RBFOX1: variants seen among roughly 807,000 people sequenced by gnomAD.
RBFOX1 encodes the protein RNA binding protein fox-1 homolog 1.
Under a neutral mutation model 57.7 loss-of-function variants are expected in RBFOX1, and 8 were observed. The ratio of observed to expected loss-of-function variants is 0.14; its 90% CI spans 0.08 to 0.25. The LOEUF is 0.25. RBFOX1 is among the 10% of genes least tolerant of loss of function. The pLI is 1.00. For missense variants in RBFOX1, 611 were observed against 548.5 expected, an observed-to-expected ratio of 1.11 and a Z score of -1.14; for synonymous variants, 326 against 222.4, an observed-to-expected ratio of 1.47 and a Z score of -4.15.
At chr16:5,454,285 C>G (rs1195299469) in intron 1 of RBFOX1, among the ~76,000 whole-genome samples, 3 of 152,190 alleles carry the variant, frequency 2.0e-5, no homozygotes, top group Non-Finnish European at 4.4e-5. Context: ...TGTTGCATTG[C>G]TGTGTAGCAA....
At chr16:6,293,809 G>T (rs1019562340) in intron 1 of RBFOX1, among the ~76,000 whole-genome samples, 40 of 108,288 alleles carry the variant, frequency 3.7e-4, no homozygotes, top group African/African-American at 1.2e-3. Flanking sequence ...GTCCAAGGAA[G>T]TGGGATGAAT....
intron 3 of RBFOX1, among the ~76,000 whole-genome samples, chr16:5,644,153 C>T (rs1362165177): frequency 2.0e-5 from 3 of 152,258 alleles, no homozygotes; most frequent in East Asian, 1.9e-4. Flanking sequence ...GAAATAATCG[C>T]GTCTTTCCAT....
intron 3 of RBFOX1, among the ~76,000 whole-genome samples, chr16:6,910,834 T>G (rs1396179278): frequency 6.6e-6 from 1 of 152,178 alleles, no homozygotes; most frequent in Non-Finnish European, 1.5e-5. Context: ...ATATCTAAGC[T>G]TATATCCAGA....
At chr16:6,780,387 A>ATAT (rs1313778400) in intron 3 of RBFOX1, among the ~76,000 whole-genome samples, 2 of 67,158 alleles carry the variant, frequency 3.0e-5, no homozygotes, top group Non-Finnish European at 2.4e-5. Context: ...ATTTATACAT[A>ATAT]TTATATATAT....
At chr16:5,896,020 C>T (rs914688371) in intron 4 of RBFOX1, among the ~76,000 whole-genome samples, 2 of 152,100 alleles carry the variant, frequency 1.3e-5, no homozygotes, top group African/African-American at 2.4e-5. Flanking sequence ...TTCTGTCTTA[C>T]GTTGGGTACT....
chr16:5,475,383 C>G (rs1156234445), intron 2 of RBFOX1, among the ~76,000 whole-genome samples: 6 of 152,146 alleles, frequency 3.9e-5, no homozygotes, highest in Non-Finnish European at 2.9e-5. Context: ...ACCCTTGTTT[C>G]TCTAAGATTC....
At chr16:7,082,203 T>A (rs1157915425) in intron 4 of RBFOX1, among the ~76,000 whole-genome samples, 1 of 152,146 alleles carries the variant, frequency 6.6e-6, no homozygotes, top group Non-Finnish European at 1.5e-5. Flanking sequence ...ATTGAAGACC[T>A]ATGGTTCAGG....
chr16:6,366,235 T>C (rs1410293161), intron 2 of RBFOX1, among the ~76,000 whole-genome samples: 1 of 152,146 alleles, frequency 6.6e-6, no homozygotes, highest in Non-Finnish European at 1.5e-5. Context: ...ATATATGTCT[T>C]GATATGTATA....
intron 2 of RBFOX1, among the ~76,000 whole-genome samples, chr16:6,501,679 G>A (rs1013777718): frequency 1.3e-5 from 2 of 152,192 alleles, no homozygotes; most frequent in Non-Finnish European, 2.9e-5. Flanking sequence ...TTCTCCTGAC[G>A]TTTCTGATCT....
intron 3 of RBFOX1, among the ~76,000 whole-genome samples, chr16:6,883,746 C>T (rs1186819557): frequency 3.3e-5 from 5 of 151,770 alleles, no homozygotes; most frequent in East Asian, 3.9e-4. Flanking sequence ...AAGTTTTCTA[C>T]AGTTCTTATA....
At chr16:5,857,909 C>T (rs554099142) in intron 3 of RBFOX1, among the ~76,000 whole-genome samples, 4 of 151,770 alleles carry the variant, frequency 2.6e-5, no homozygotes, top group Middle Eastern at 3.2e-3. Context: ...TTTGCACTGC[C>T]GTACTCCAGC....
intron 1 of RBFOX1, among the ~76,000 whole-genome samples, chr16:6,246,136 C>G (rs1414112640): frequency 6.6e-6 from 1 of 152,132 alleles, no homozygotes; most frequent in African/African-American, 2.4e-5. Context: ...TGTATTGAAT[C>G]ATGGAGCTGA....
rs578197054 is a variant in RBFOX1, at chr16:7,329,812, A to G, written c.28-188335A>G. Among the ~76,000 whole-genome samples the G allele has an allele frequency of 2.0e-4, 30 of 152,338 alleles. 1 individual carries two copies. The highest frequency in any genetic ancestry group is 1.8e-3 in the Admixed American group (27 of 15,300). Reference sequence around the variant, plus strand: ...ATTGTATCATGGCGTTCTTAAGAAGAAAACAGAAAATATCCCCGGCACAAG... The same window carrying G: ...ATTGTATCATGGCGTTCTTAAGAAGGAAACAGAAAATATCCCCGGCACAAG... On this transcript the variant is annotated intron_variant, in intron 4 of 15. Coordinates refer to ENST00000550418, the MANE Select transcript of RBFOX1 (RefSeq NM_018723.4).
At chr16:5,606,209 G>A (rs1420289298) in intron 3 of RBFOX1, among the ~76,000 whole-genome samples, 6 of 152,062 alleles carry the variant, frequency 3.9e-5, no homozygotes, top group East Asian at 1.9e-4. Context: ...ATACTATCTG[G>A]TGGCTTCTCC....
chr16:7,239,415 C>T (rs563834598), intron 4 of RBFOX1, among the ~76,000 whole-genome samples: 18 of 152,168 alleles, frequency 1.2e-4, no homozygotes, highest in Non-Finnish European at 1.8e-4. Flanking sequence ...ACCAGAATTG[C>T]TTAAACCTGG....
intron 3 of RBFOX1, among the ~76,000 whole-genome samples, chr16:6,687,816 C>T (rs1392993842): frequency 4.6e-5 from 7 of 152,224 alleles, no homozygotes. Flanking sequence ...GAACAAGTCA[C>T]ATGGGCCCAA....
rs140030323 is a variant in RBFOX1, at chr16:6,690,377, C to T, written c.-16+35727C>T. The stretch of plus-strand genomic sequence containing the variant: ...AGAAAAGATAATTCACAGATCCATT[C>T]GTGACAAAAATTCATATAAAGGGCC... On this transcript the variant is annotated intron_variant, in intron 3 of 15. Coordinates refer to ENST00000550418, the MANE Select transcript of RBFOX1 (RefSeq NM_018723.4). Among the ~76,000 whole-genome samples, 314 of 151,822 alleles carry T rather than the reference C, an allele frequency of 2.1e-3. 1 individual carries two copies. Among genetic ancestry groups the T allele is most frequent in the African/African-American group, 7.2e-3 (298 of 41,406 alleles).
chr16:7,456,925 C>T (rs1055532644), intron 4 of RBFOX1, among the ~76,000 whole-genome samples: 1 of 151,600 alleles, frequency 6.6e-6, no homozygotes, highest in Non-Finnish European at 1.5e-5. Context: ...GAGTTTCGCT[C>T]TTGTTGCCCA....
rs61004841 is a variant in RBFOX1, at chr16:5,984,946, T to TTATATA, written c.351+117637_351+117642dup. On this transcript the variant is annotated intron_variant, in intron 4 of 19. Coordinates refer to the RBFOX1 transcript ENST00000641259. Reference sequence around the variant, plus strand: ...GGTACACCTGTATAGGGCAACTCCATTATATATATATATATATATATATAT... The same window carrying TTATATA: ...GGTACACCTGTATAGGGCAACTCCATTATATATATATATATATATATATATATATAT... 2.6e-3 allele frequency among the ~76,000 whole-genome samples: 182 copies of TTATATA among 69,620 alleles called. 3 individuals are homozygous for TTATATA. The highest frequency in any genetic ancestry group is 0.012 in the African/African-American group (160 of 13,902). 45.7% of individuals were successfully genotyped at this position (69,620 alleles called of 152,430 possible).
Sources: allele counts gnomAD v4.1 joint callset (sites outside exome capture counted in the v4.1 genomes callset), GRCh38; gene constraint gnomAD v4.1.1; transcripts MANE v1.5; gene names NCBI Gene and HGNC (gene_info 2026-07-23, HGNC 2026-07-21).